The following ST6GALNAC3 variants were observed in gnomAD, a reference collection of about 807,000 sequenced individuals.
ST6GALNAC3 encodes the protein alpha-N-acetylgalactosaminide alpha-2,6-sialyltransferase 3.
Under a neutral mutation model 32.7 loss-of-function variants are expected in ST6GALNAC3, and 25 were observed. The observed-to-expected ratio is 0.76, with a 90% CI of 0.56 to 1.07. ST6GALNAC3 has a LOEUF of 1.07. ST6GALNAC3 is among the 50% of genes least tolerant of loss of function. The probability of loss-of-function intolerance (pLI) is 0.00; values close to 1 mark genes in which losing one functional copy is unlikely to be tolerated. For missense variants in ST6GALNAC3, 355 were observed against 382.4 expected, an observed-to-expected ratio of 0.93 and a Z score of 0.60; for synonymous variants, 129 against 133.1, an observed-to-expected ratio of 0.97 and a Z score of 0.21.
chr1:76,613,649 G>C (rs1042192045), intron 3 of ST6GALNAC3, among the ~76,000 whole-genome samples: 1 of 152,224 alleles, frequency 6.6e-6, no homozygotes, highest in Non-Finnish European at 1.5e-5. Context: ...TCTCCGGACA[G>C]TGAGTGAGTT....
chr1:76,157,447 A>T (rs951904768), intron 1 of ST6GALNAC3, among the ~76,000 whole-genome samples: 1 of 152,168 alleles, frequency 6.6e-6, no homozygotes, highest in Admixed American at 6.5e-5. Context: ...TTATACCCCC[A>T]TGGAAAATAG....
intron 1 of ST6GALNAC3, among the ~76,000 whole-genome samples, chr1:76,239,764 G>T (rs1394071770): frequency 6.6e-6 from 1 of 152,156 alleles, no homozygotes; most frequent in East Asian, 1.9e-4. Flanking sequence ...AACTATATCA[G>T]AGGAGCACTG....
chr1:76,497,597 C>T (rs978261583), intron 3 of ST6GALNAC3, among the ~76,000 whole-genome samples: 2 of 152,158 alleles, frequency 1.3e-5, no homozygotes, highest in South Asian at 2.1e-4. Context: ...CTATTGAGTT[C>T]GTGTTCTCCT....
intron 3 of ST6GALNAC3, among the ~76,000 whole-genome samples, chr1:76,619,942 T>A (rs1648531686): frequency 6.6e-6 from 1 of 152,092 alleles, no homozygotes; most frequent in South Asian, 2.1e-4. Flanking sequence ...GAAATTATCC[T>A]CTTCAATTCC....
rs1344283428 is a variant in ST6GALNAC3, at chr1:76,292,381, C to T, written c.19-21424C>T. 5.3e-5 allele frequency among the ~76,000 whole-genome samples: 8 copies of T among 152,184 alleles called. No homozygotes were observed. The South Asian group carries it at 8.3e-4, about 16-fold the overall frequency. On this transcript the variant is annotated intron_variant, in intron 1 of 4. Coordinates refer to ENST00000328299, the MANE Select transcript of ST6GALNAC3 (RefSeq NM_152996.4). ...TAGAAAACCAGTGGGCTTTCAATAT[C>T]ACAAGGGCAGTCCTTCGCAGAGCAG...
chr1:76,210,289 G>A (rs1485007019), intron 1 of ST6GALNAC3, among the ~76,000 whole-genome samples: 1 of 152,136 alleles, frequency 6.6e-6, no homozygotes, highest in East Asian at 1.9e-4. Context: ...AGTTGTGTCT[G>A]AGACCTTTAT....
At chr1:76,309,134 C>G (rs1260566204) in intron 1 of ST6GALNAC3, among the ~76,000 whole-genome samples, 1 of 152,184 alleles carries the variant, frequency 6.6e-6, no homozygotes, top group Admixed American at 6.6e-5. Flanking sequence ...TACCCTTCCT[C>G]TGGCCTCCCA....
chr1:76,416,560 TA>T (rs997317566), intron 3 of ST6GALNAC3, among the ~76,000 whole-genome samples: 52 of 149,468 alleles, frequency 3.5e-4, no homozygotes, highest in African/African-American at 9.1e-4. Flanking sequence ...TAAAAATACT[TA>T]AAAAAAAATA....
intron 4 of ST6GALNAC3, 88 bp downstream of exon 4, chr1:76,627,647 G>A: frequency 2.0e-6 from 2 of 1,000,624 alleles, no homozygotes; most frequent in Non-Finnish European, 3.1e-6. Flanking sequence ...ATAAATCTGA[G>A]AAACAGATAA....
chr1:76,532,689 A>G (rs549443527), intron 3 of ST6GALNAC3, among the ~76,000 whole-genome samples: 2 of 152,326 alleles, frequency 1.3e-5, no homozygotes, highest in South Asian at 4.1e-4. Flanking sequence ...GAAACTGCCT[A>G]AAATGATAAA....
chr1:76,416,098 G>A (rs1654605940), intron 3 of ST6GALNAC3, among the ~76,000 whole-genome samples: 1 of 147,840 alleles, frequency 6.8e-6, no homozygotes, highest in African/African-American at 2.5e-5. Context: ...AAGAATAACA[G>A]CACAACAAGC....
chr1:76,335,465 T>TCA (rs1647390626), intron 2 of ST6GALNAC3, among the ~76,000 whole-genome samples: 5 of 146,008 alleles, frequency 3.4e-5, no homozygotes, highest in Admixed American at 2.0e-4. Flanking sequence ...ACACTCACAC[T>TCA]CAGTCAGATT....
intron 3 of ST6GALNAC3, among the ~76,000 whole-genome samples, chr1:76,449,780 C>T (rs1657255058): frequency 6.6e-6 from 1 of 152,118 alleles, no homozygotes; most frequent in South Asian, 2.1e-4. Flanking sequence ...GGTCTTTTGT[C>T]AGATTGCCTT....
At chr1:76,138,393 A>G (rs1278853954) in intron 1 of ST6GALNAC3, among the ~76,000 whole-genome samples, 2 of 152,060 alleles carry the variant, frequency 1.3e-5, no homozygotes, top group East Asian at 1.9e-4. Context: ...CCTGAGGAAA[A>G]TATTGATATT....
rs539562382 is a variant in ST6GALNAC3 at position 76,417,531 on chromosome 1, A to G, written c.623+5114A>G. On this transcript the variant is annotated intron_variant, in intron 3 of 4. Coordinates refer to ENST00000328299, the MANE Select transcript of ST6GALNAC3 (RefSeq NM_152996.4). ...AGTGGCACATTGTGCCACACTTAAC[A>G]ATGAAGAATGTGATCATGTTCCTGG... Among the ~76,000 whole-genome samples, 111 of 152,142 alleles carry G rather than the reference A, an allele frequency of 7.3e-4. 1 individual carries two copies. Among genetic ancestry groups the G allele is most frequent in the Non-Finnish European group, 1.5e-3 (100 of 68,024 alleles).
chr1:76,317,403 T>C (rs914355256), intron 2 of ST6GALNAC3, among the ~76,000 whole-genome samples: 4 of 152,120 alleles, frequency 2.6e-5, no homozygotes, highest in African/African-American at 9.7e-5. Context: ...GAGTTCAGTG[T>C]TCTAGGACAA....
chr1:76,450,720 C>T (rs1657332590), intron 3 of ST6GALNAC3, among the ~76,000 whole-genome samples: 1 of 152,024 alleles, frequency 6.6e-6, no homozygotes. Context: ...CATCTTGAGT[C>T]GATTTTTGTA....
chr1:76,285,910 G>A (rs1040182139), intron 1 of ST6GALNAC3, among the ~76,000 whole-genome samples: 28 of 151,402 alleles, frequency 1.8e-4, no homozygotes, highest in African/African-American at 6.1e-4. Flanking sequence ...ACACACCCCC[G>A]CGCCCCCTCC....
chr1:76,456,656 T>C (rs1215458799), intron 3 of ST6GALNAC3, among the ~76,000 whole-genome samples: 1 of 152,196 alleles, frequency 6.6e-6, no homozygotes, highest in Non-Finnish European at 1.5e-5. Context: ...TTAACAACCC[T>C]TCATGCTAAA....
Sources: allele counts gnomAD v4.1 joint callset (sites outside exome capture counted in the v4.1 genomes callset), GRCh38; gene constraint gnomAD v4.1.1; transcripts MANE v1.5; gene names NCBI Gene and HGNC (gene_info 2026-07-23, HGNC 2026-07-21).